Variants in CA12 observed in about 807,000 individuals in gnomAD.
The protein encoded by CA12 is carbonic anhydrase 12.
CA12 carries 36 observed loss-of-function variants against 46.8 expected under a neutral mutation model. The observed-to-expected ratio is 0.77, with a 90% CI of 0.59 to 1.02. The LOEUF is 1.02. Ranked by LOEUF, CA12 falls within the 50% of genes least tolerant of loss-of-function variation. The pLI, the probability that CA12 is intolerant of heterozygous loss-of-function variation, is 0.00. For synonymous variants in CA12, 202 were observed against 187.0 expected, an observed-to-expected ratio of 1.08 and a Z score of -0.65; for missense variants, 436 against 451.4, an observed-to-expected ratio of 0.97 and a Z score of 0.31.
intron 2 of CA12, among the ~76,000 whole-genome samples, chr15:63,351,030 T>C (rs1315709266): frequency 6.6e-6 from 1 of 152,242 alleles, no homozygotes; most frequent in Non-Finnish European, 1.5e-5. Context: ...CAATTAGAAT[T>C]CAAATTTTTC....
At chr15:63,377,002 A>G (rs2152628294) in intron 1 of CA12, among the ~76,000 whole-genome samples, 1 of 152,306 alleles carries the variant, frequency 6.6e-6, no homozygotes, top group South Asian at 2.1e-4. Flanking sequence ...TTCCAGGGGT[A>G]GTAGGAATGT....
chr15:63,370,324 A>G (rs528502306), intron 2 of CA12, among the ~76,000 whole-genome samples: 21 of 151,802 alleles, frequency 1.4e-4, no homozygotes, highest in African/African-American at 4.8e-4. Context: ...GCATGGTGGC[A>G]TACGTCCTAG....
chr15:63,377,923 C>T (rs1176016782), intron 1 of CA12, among the ~76,000 whole-genome samples: 1 of 152,168 alleles, frequency 6.6e-6, no homozygotes, highest in Non-Finnish European at 1.5e-5. Context: ...AGTGTCCTGA[C>T]CAATATCATA....
intron 2 of CA12, among the ~76,000 whole-genome samples, chr15:63,351,783 C>G (rs1418769437): frequency 6.6e-6 from 1 of 152,228 alleles, no homozygotes; most frequent in East Asian, 1.9e-4. Flanking sequence ...CACTAGCAAG[C>G]AGTGATGATT....
In CA12 at chr15:63,340,516, C is replaced by T. The variant is rs1007633713; in HGVS notation, c.590-71G>A. The T allele has an allele frequency of 1.7e-5, 27 of 1,587,414 alleles. No individual in the cohort carries two copies. The highest frequency in any genetic ancestry group is 5.4e-5 in the African/African-American group (4 of 74,396). On this transcript the variant is annotated intron_variant, in intron 6 of 10. Transcript: ENST00000178638. This position sits in a 1 kb window ranked among gnomAD's most constrained non-coding sequence, Gnocchi z 4.4. ...AGGGCATAAGTGCAGCTGAACAGAG[C>T]GACTGAGCCTAGAAACATGAACTAG...
chr15:63,354,716 T>C (rs948206503), intron 2 of CA12, among the ~76,000 whole-genome samples: 1 of 152,120 alleles, frequency 6.6e-6, no homozygotes, highest in East Asian at 1.9e-4. Flanking sequence ...GACTGATGGA[T>C]GTATTAACAC....
At chr15:63,343,451 T>C (rs1038445328) in intron 4 of CA12, among the ~76,000 whole-genome samples, 16 of 152,094 alleles carry the variant, frequency 1.1e-4, no homozygotes, top group African/African-American at 3.6e-4. Context: ...CCGGCTAATT[T>C]TGCATTTTTA....
intron 2 of CA12, among the ~76,000 whole-genome samples, chr15:63,358,389 G>T (rs984850484): frequency 6.6e-6 from 1 of 152,218 alleles, no homozygotes; most frequent in Non-Finnish European, 1.5e-5. Context: ...GGGTGATGTA[G>T]CAATGTTCCC....
chr15:63,344,452 C>T (rs2039119968), intron 4 of CA12, among the ~76,000 whole-genome samples: 1 of 152,196 alleles, frequency 6.6e-6, no homozygotes. Flanking sequence ...TCTTTATTCC[C>T]CATGGGGGAA....
In CA12 at chr15:63,378,328, C is replaced by T. The variant is rs1396357154; in HGVS notation, c.86-2650G>A. Among the ~76,000 whole-genome samples the T allele has an allele frequency of 6.6e-6, 1 of 152,068 alleles. No individual in the cohort carries two copies. The highest frequency in any genetic ancestry group is 1.5e-5 in the Non-Finnish European group (1 of 68,036). On this transcript the variant is annotated intron_variant, in intron 1 of 10. Transcript: ENST00000178638. The surrounding 1 kb of genome is among the most constrained non-coding windows in gnomAD (Gnocchi z 4.8). ...GCTTGAACCCGGGAGGCGGAGGTTGCAGTGAGCTGAGATTGTGCCATTGCA... is the reference window on the plus strand; with the variant it reads ...GCTTGAACCCGGGAGGCGGAGGTTGTAGTGAGCTGAGATTGTGCCATTGCA...
intron 1 of CA12, among the ~76,000 whole-genome samples, chr15:63,380,607 A>G (rs1329148284): frequency 4.6e-5 from 7 of 152,116 alleles, no homozygotes; most frequent in Non-Finnish European, 1.0e-4. Flanking sequence ...TGACCAGATG[A>G]GGGAGATAAT....
intron 2 of CA12, among the ~76,000 whole-genome samples, chr15:63,366,683 A>T (rs1175036704): frequency 2.0e-5 from 3 of 152,252 alleles, no homozygotes; most frequent in African/African-American, 7.2e-5. Context: ...CCTTTGATTA[A>T]TAACAAGTGG....
intron 2 of CA12, 79 bp downstream of exon 2, chr15:63,375,579 T>C: frequency 1.1e-6 from 1 of 940,922 alleles, no homozygotes; most frequent in Non-Finnish European, 1.7e-6. Flanking sequence ...CCACAGAGCA[T>C]GAAGTTTCTG....
In CA12 at chr15:63,327,102, A is replaced by C. The variant is rs772160811; in HGVS notation, c.992+47T>G. On this transcript the variant is annotated intron_variant, in intron 10 of 10. Transcript: ENST00000178638. This position sits in a 1 kb window ranked among gnomAD's most constrained non-coding sequence, Gnocchi z 4.5. ...TGCCTTCCCAGGCAGACTAATCATC[A>C]TGGACACATAGCTGTCCATTCCCAT... The C allele has an allele frequency of 9.9e-6, 15 of 1,519,406 alleles. No individual in the cohort carries two copies. The South Asian group carries it at 1.3e-4, about 14-fold the overall frequency. 94.1% of individuals were successfully genotyped at this position (1,519,406 alleles called of 1,614,324 possible). A position where few individuals can be genotyped will look rare whatever the true frequency, so the allele number is the denominator to read the frequency against.
chr15:63,327,953 G>A lies in CA12; in HGVS notation c.907+145C>T, dbSNP rs932586544. 1.2e-5 allele frequency: 9 copies of A among 737,848 alleles called. No individual in the cohort carries two copies. Among genetic ancestry groups the A allele is most frequent in the Middle Eastern group, 7.0e-4 (2 of 2,862 alleles). The allele number at this position is 737,848 out of a possible 1,614,324, so 45.7% of individuals were successfully genotyped here. A position where few individuals can be genotyped will look rare whatever the true frequency, so the allele number is the denominator to read the frequency against. On this transcript the variant is annotated intron_variant, in intron 9 of 10. Transcript: ENST00000178638. This position sits in a 1 kb window ranked among gnomAD's most constrained non-coding sequence, Gnocchi z 4.5. ...GCAGTTCATCTTTGAATCACAGAGC[G>A]ACTTGAGGGTAAGACCCATAGCAAG...
chr15:63,358,898 C>G (rs2039325602), intron 2 of CA12, among the ~76,000 whole-genome samples: 1 of 152,214 alleles, frequency 6.6e-6, no homozygotes, highest in African/African-American at 2.4e-5. Flanking sequence ...CCTCGCACTT[C>G]ATGCAGCCCT....
At chr15:63,369,216 T>C (rs1222169479) in intron 2 of CA12, among the ~76,000 whole-genome samples, 2 of 152,124 alleles carry the variant, frequency 1.3e-5, no homozygotes, top group Non-Finnish European at 2.9e-5. Context: ...ATAAAAGGAG[T>C]ATTTCCTGGC....
Position 63,327,214 on chromosome 15 carries a change from G to A in CA12, c.927C>T (p.Ala309=), listed in dbSNP as rs1254153371. The change falls in exon 10 of 11, where the codon GCC becomes GCT. Residue 309 remains alanine (A), a synonymous_variant. Transcript: ENST00000178638. The surrounding 1 kb of genome is among the most constrained non-coding windows in gnomAD (Gnocchi z 4.5). The part of the protein sequence containing the change: ...GLSLGIILSL[A]LAGILGICIV... ...TACAGATGCCAAGAATGCCAGCCAG[G>A]GCCAGTGAGAGGATGATGCCTGGTG... 1.2e-6 allele frequency: 2 copies of A among 1,613,990 alleles called. No homozygotes were observed. The highest frequency in any genetic ancestry group is 3.3e-5 in the Admixed American group (2 of 60,022).
chr15:63,340,881 G>T lies in CA12; in HGVS notation c.526-98C>A. ...AGAAGGGCAAAGCTGTGGGTATGTT[G>T]CCACCACTGCCTGAAGGATCCACTT... On this transcript the variant is annotated intron_variant, in intron 5 of 10. Transcript: ENST00000178638. The surrounding 1 kb of genome is among the most constrained non-coding windows in gnomAD (Gnocchi z 4.4). 3.1e-6 allele frequency: 3 copies of T among 955,394 alleles called. No individual in the cohort carries two copies. Among genetic ancestry groups the T allele is most frequent in the Non-Finnish European group, 3.4e-6 (2 of 589,696 alleles). The allele number at this position is 955,394 out of a possible 1,614,324, so 59.2% of individuals were successfully genotyped here.
Sources: allele counts gnomAD v4.1 joint callset (sites outside exome capture counted in the v4.1 genomes callset), GRCh38; gene constraint gnomAD v4.1.1; non-coding constraint Gnocchi (gnomAD v3.1); transcripts MANE v1.5; gene names NCBI Gene and HGNC (gene_info 2026-07-23, HGNC 2026-07-21).